Variants in CUL3 observed in about 807,000 individuals in gnomAD.
CUL3 encodes the protein cullin 3, also known as cullin-3.
CUL3 carries 19 observed loss-of-function variants against 89.1 expected under a neutral mutation model. That is an observed-to-expected ratio of 0.21 (90% CI 0.15 to 0.31). CUL3 has a LOEUF of 0.31. CUL3 is among the 10% of genes least tolerant of loss of function. The pLI, the probability that CUL3 is intolerant of heterozygous loss-of-function variation, is 1.00. For synonymous variants in CUL3, 351 were observed against 308.4 expected (o/e 1.14, Z -1.45); for missense variants, 469 against 942.3 (o/e 0.50, Z 6.58).
rs150880830 is a variant in CUL3 at position 224,499,063 on chromosome 2, G to T, written c.1611-1214C>A. Among the ~76,000 whole-genome samples, 8 of 152,232 alleles carry T rather than the reference G, an allele frequency of 5.3e-5. No homozygotes were observed. The East Asian group carries it at 1.2e-3, about 22-fold the overall frequency. ...CAGGATATGGGCTATTTAAAAATAC[G>T]TATCTCCTGGATCAGCACCAAAAAT... On this transcript the variant is annotated intron_variant, in intron 11 of 15. Coordinates refer to ENST00000264414, the MANE Select transcript of CUL3 (RefSeq NM_003590.5).
rs1163557000 is a variant in CUL3, at chr2:224,470,328, C to T, written c.*3917G>A. 1 of 227,848 alleles carries T rather than the reference C, an allele frequency of 4.4e-6. No individual in the cohort carries two copies. The allele number at this position is 227,848 out of a possible 1,614,324, so 14.1% of individuals were successfully genotyped here. A position where few individuals can be genotyped will look rare whatever the true frequency, so the allele number is the denominator to read the frequency against. ...ATTTTAAAGCTATTTTTGCATGGCT[C>T]ACTCGAGGTCAACTTAGACCCTAAA... On this transcript the variant is annotated 3_prime_UTR_variant, in exon 16 of 16. Coordinates refer to ENST00000264414, the MANE Select transcript of CUL3 (RefSeq NM_003590.5).
At position 224,514,611 on chromosome 2, in the gene CUL3, C is replaced by A. The variant is rs755285500; in HGVS notation, c.539+1G>T. 6.2e-7 allele frequency: 1 copy of A among 1,600,486 alleles called. No individual in the cohort carries two copies. Among genetic ancestry groups the A allele is most frequent in the South Asian group, 1.1e-5 (1 of 88,668 alleles). On this transcript the variant is annotated splice_donor_variant, in intron 4 of 15. Coordinates refer to ENST00000264414, the MANE Select transcript of CUL3 (RefSeq NM_003590.5). LOFTEE classifies it high-confidence loss of function. ...CACAAGAGTAAAGAGAGAAATTTTA[C>A]CTGTCTACGACTTCTCCTTTCCGCT...
intron 2 of CUL3, among the ~76,000 whole-genome samples, chr2:224,536,544 C>A (rs1693905593): frequency 6.6e-6 from 1 of 152,168 alleles, no homozygotes; most frequent in African/African-American, 2.4e-5. Context: ...ATATCCCACA[C>A]CTAGAATAGT....
chr2:224,571,863 T>C (rs1451841429), intron 1 of CUL3, among the ~76,000 whole-genome samples: 1 of 152,182 alleles, frequency 6.6e-6, no homozygotes. Context: ...ACAATTGTCT[T>C]TTACTGAAAT....
chr2:224,478,122 A>G, intron 15 of CUL3, 78 bp downstream of exon 15: 1 of 1,414,148 alleles, frequency 7.1e-7, no homozygotes, highest in Non-Finnish European at 9.5e-7. Flanking sequence ...AATTGTTTTT[A>G]AAATTAGTTG....
intron 14 of CUL3, chr2:224,480,137 A>C (rs1339276966): frequency 6.6e-6 from 1 of 152,550 alleles, no homozygotes; most frequent in Admixed American, 6.6e-5. Context: ...GAAGACTGTC[A>C]ACTCTGGAAA....
rs1392203234 is a variant in CUL3, at chr2:224,585,073, A to AGGCG, written c.-68_-65dup. 2.7e-5 allele frequency: 36 copies of AGGCG among 1,356,480 alleles called. No homozygotes were observed. The highest frequency in any genetic ancestry group is 3.4e-5 in the Non-Finnish European group (34 of 1,014,098). 84.0% of individuals were successfully genotyped at this position (1,356,480 alleles called of 1,614,324 possible). On this transcript the variant is annotated 5_prime_UTR_variant, in exon 1 of 16. Coordinates refer to ENST00000264414, the MANE Select transcript of CUL3 (RefSeq NM_003590.5). ...CTCCGCGACGCCGGTGTCACATTTA[A>AGGCG]GGCGGGCAGGCAGGCTAGGGGCGAC...
chr2:224,555,543 T>A (rs1302959493), intron 2 of CUL3, among the ~76,000 whole-genome samples: 2 of 152,186 alleles, frequency 1.3e-5, no homozygotes, highest in African/African-American at 2.4e-5. Flanking sequence ...TACAGTTTAG[T>A]CCAAATTACT....
At chr2:224,490,259 A>C (rs1691906167) in intron 13 of CUL3, among the ~76,000 whole-genome samples, 1 of 152,202 alleles carries the variant, frequency 6.6e-6, no homozygotes, top group Admixed American at 6.5e-5. Flanking sequence ...TAGCAAAATT[A>C]GTGAAAGTAC....
Position 224,471,488 on chromosome 2 carries a change from C to T in CUL3, c.*2757G>A, listed in dbSNP as rs1691128612. On this transcript the variant is annotated 3_prime_UTR_variant, in exon 16 of 16. Coordinates refer to ENST00000264414, the MANE Select transcript of CUL3 (RefSeq NM_003590.5). The stretch of plus-strand genomic sequence containing the variant: ...AGGCCTTTTCTGCTACCCAACATAT[C>T]CGGTGAACAAAACATCAACAGTGCT... The T allele has an allele frequency of 1.0e-5, 2 of 194,066 alleles. No homozygotes were observed. Among genetic ancestry groups the T allele is most frequent in the Admixed American group, 1.2e-4 (2 of 16,394 alleles). 12.0% of individuals were successfully genotyped at this position (194,066 alleles called of 1,614,324 possible).
chr2:224,489,397 C>G (rs1338773557), intron 13 of CUL3, among the ~76,000 whole-genome samples: 1 of 152,234 alleles, frequency 6.6e-6, no homozygotes. Context: ...TGATAAGCAA[C>G]TTGAGCAAAG....
Position 224,472,762 on chromosome 2 carries a change from G to C in CUL3, c.*1483C>G, listed in dbSNP as rs79297951. On this transcript the variant is annotated 3_prime_UTR_variant, in exon 16 of 16. Coordinates refer to ENST00000264414, the MANE Select transcript of CUL3 (RefSeq NM_003590.5). The stretch of plus-strand genomic sequence containing the variant: ...GACGCATGGGGAAAAATATTTATGT[G>C]GAGTTTTTAATCCATATTAGAATTC... The C allele has an allele frequency of 0.013, 2,471 of 196,862 alleles. 69 individuals are homozygous for C. Among genetic ancestry groups the C allele is most frequent in the African/African-American group, 0.054 (2,334 of 43,390 alleles). The allele number at this position is 196,862 out of a possible 1,614,324, so 12.2% of individuals were successfully genotyped here. A position where few individuals can be genotyped will look rare whatever the true frequency, so the allele number is the denominator to read the frequency against.
At chr2:224,508,735 G>A (rs993724971) in intron 6 of CUL3, among the ~76,000 whole-genome samples, 4 of 152,170 alleles carry the variant, frequency 2.6e-5, no homozygotes, top group East Asian at 1.9e-4. Flanking sequence ...TGAGACGGGC[G>A]GATCACAAGG....
chr2:224,515,255 G>C (rs1426722377), intron 3 of CUL3, among the ~76,000 whole-genome samples: 1 of 152,202 alleles, frequency 6.6e-6, no homozygotes, highest in Non-Finnish European at 1.5e-5. Flanking sequence ...GCAGCATTAA[G>C]TATTACATAA....
chr2:224,530,895 A>C (rs553007296), intron 3 of CUL3, among the ~76,000 whole-genome samples: 5 of 150,888 alleles, frequency 3.3e-5, no homozygotes, highest in African/African-American at 1.2e-4. Context: ...CGACAGAGCA[A>C]GACCCTGTCT....
chr2:224,488,902 A>C (rs1223635716), intron 13 of CUL3, among the ~76,000 whole-genome samples: 1 of 152,224 alleles, frequency 6.6e-6, no homozygotes. Context: ...CACATCAAAA[A>C]GCTTATCCAC....
chr2:224,549,656 TAGA>T (rs888998277), intron 2 of CUL3, among the ~76,000 whole-genome samples: 2 of 152,146 alleles, frequency 1.3e-5, no homozygotes, highest in African/African-American at 2.4e-5. Context: ...CAACAGGAGT[TAGA>T]AGAAGAAAAG....
chr2:224,513,495 G>T (rs371952568), intron 5 of CUL3, 29 bp downstream of exon 5: 4 of 1,305,590 alleles, frequency 3.1e-6, no homozygotes, highest in Non-Finnish European at 4.3e-6. Flanking sequence ...CATCTTAAAA[G>T]ATTATTTATT....
At chr2:224,579,062 A>G (rs1344618365) in intron 1 of CUL3, among the ~76,000 whole-genome samples, 1 of 152,172 alleles carries the variant, frequency 6.6e-6, no homozygotes, top group Non-Finnish European at 1.5e-5. Context: ...AATAGTTTCT[A>G]ATTCAATATT....
Sources: allele counts gnomAD v4.1 joint callset (sites outside exome capture counted in the v4.1 genomes callset), GRCh38; gene constraint gnomAD v4.1.1; transcripts MANE v1.5; gene names NCBI Gene and HGNC (gene_info 2026-07-23, HGNC 2026-07-21).